SBNO1: variants seen among roughly 807,000 people sequenced by gnomAD.
The protein encoded by SBNO1 is protein strawberry notch homolog 1.
A neutral mutation model predicts 173.6 loss-of-function variants in SBNO1; 23 were observed. That is an observed-to-expected ratio of 0.13 (90% confidence interval 0.10 to 0.19). SBNO1 has a LOEUF of 0.19. Among genes scored for constraint, SBNO1 ranks in the 10% least tolerant of loss-of-function variants. The pLI is 1.00. For missense variants in SBNO1, 1,238 were observed against 1,671.2 expected (o/e 0.74, Z 4.52); for synonymous variants, 632 against 571.5 (o/e 1.11, Z -1.51).
intron 1 of SBNO1, among the ~76,000 whole-genome samples, chr12:123,361,174 G>A (rs539263071): frequency 6.6e-6 from 1 of 152,140 alleles, no homozygotes; most frequent in Non-Finnish European, 1.5e-5. Context: ...AACCTGGGAG[G>A]TGGAGGTTGC....
At chr12:123,339,012 T>C (rs1872225620) in intron 5 of SBNO1, among the ~76,000 whole-genome samples, 1 of 151,792 alleles carries the variant, frequency 6.6e-6, no homozygotes, top group Non-Finnish European at 1.5e-5. Flanking sequence ...ACTTTTGGTA[T>C]ATAATGGACT....
chr12:123,352,560 G>A (rs948922436), intron 1 of SBNO1, among the ~76,000 whole-genome samples: 1 of 152,108 alleles, frequency 6.6e-6, no homozygotes. Context: ...CCAAAGTGCT[G>A]GGATTACAGG....
intron 1 of SBNO1, among the ~76,000 whole-genome samples, chr12:123,359,280 G>T (rs938774269): frequency 3.3e-5 from 5 of 150,266 alleles, no homozygotes; most frequent in African/African-American, 1.2e-4. Context: ...GAGTGCGGTG[G>T]CTCACTCCTG....
chr12:123,311,744 A>C (rs1428474248), intron 24 of SBNO1, among the ~76,000 whole-genome samples: 1 of 132,830 alleles, frequency 7.5e-6, no homozygotes, highest in Non-Finnish European at 1.6e-5. Context: ...ATATATATAT[A>C]TATATTTTTG....
At chr12:123,352,299 A>C (rs1277077996) in intron 1 of SBNO1, among the ~76,000 whole-genome samples, 2 of 152,214 alleles carry the variant, frequency 1.3e-5, no homozygotes, top group Non-Finnish European at 2.9e-5. Context: ...TCCTACAAAA[A>C]TGGCATTAGC....
In SBNO1 at chr12:123,350,327, T is replaced by C. The variant is rs748779441; in HGVS notation, c.115A>G (p.Thr39Ala). ...GDAGLATPMP[T>A]PSVQQSVPLS... ...ACTCTTACCTGCTGAACTGACGGGG[T>C]AGGCATTGGAGTTGCAAGCCCTGCA... Residue 39 changes from threonine to alanine, a missense_variant, in exon 2 of 32, where the codon ACC becomes GCC. Coordinates refer to ENST00000602398, the MANE Select transcript of SBNO1 (RefSeq NM_001167856.3). 3.1e-6 allele frequency: 5 copies of C among 1,613,820 alleles called. No individual in the cohort carries two copies. The African/African-American group carries it at 5.3e-5, about 17-fold the overall frequency.
chr12:123,309,238 G>T, intron 28 of SBNO1, 72 bp downstream of exon 28: 1 of 1,094,904 alleles, frequency 9.1e-7, no homozygotes, highest in Non-Finnish European at 1.4e-6. Flanking sequence ...GGTACAAAGT[G>T]AAGAGACAAT....
At chr12:123,325,976 T>C (rs1236018386) in intron 14 of SBNO1, among the ~76,000 whole-genome samples, 176 bp downstream of exon 14, 1 of 152,210 alleles carries the variant, frequency 6.6e-6, no homozygotes, top group East Asian at 1.9e-4. Context: ...GTTATACTTT[T>C]CTGAACTCTC....
rs1490272105 is a variant in SBNO1, at chr12:123,289,754, T to C, written c.*6154A>G. ...GTATAAACCATGAACAGGATATTTTTCTGATAGCGGTGAGACTGCAATGTG... is the reference window on the plus strand; with the variant it reads ...GTATAAACCATGAACAGGATATTTTCCTGATAGCGGTGAGACTGCAATGTG... On this transcript the variant is annotated 3_prime_UTR_variant, in exon 32 of 32. Coordinates refer to ENST00000602398, the MANE Select transcript of SBNO1 (RefSeq NM_001167856.3). The C allele has an allele frequency of 6.6e-6, 1 of 152,262 alleles. No homozygotes were observed. Among genetic ancestry groups the C allele is most frequent in the Non-Finnish European group, 1.5e-5 (1 of 68,050 alleles). The allele number at this position is 152,262 out of a possible 1,614,324, so 9.4% of individuals were successfully genotyped here. A position where few individuals can be genotyped will look rare whatever the true frequency, so the allele number is the denominator to read the frequency against.
chr12:123,305,075 T>C (rs1186513241), intron 28 of SBNO1, among the ~76,000 whole-genome samples: 1 of 152,156 alleles, frequency 6.6e-6, no homozygotes, highest in African/African-American at 2.4e-5. Flanking sequence ...AAAAACCAAG[T>C]GTAATAAAAT....
chr12:123,320,800 G>A lies in SBNO1; in HGVS notation c.2390C>T (p.Pro797Leu). The A allele has an allele frequency of 1.2e-6, 2 of 1,602,692 alleles. No individual in the cohort carries two copies. The highest frequency in any genetic ancestry group is 1.7e-6 in the Non-Finnish European group (2 of 1,175,440). ...KEKKKKKSID[P>L]DSIQSALLAS... ...TAATAAGGCACTTTGAATAGAATCT[G>A]GATCTATACTTTTCTTCTTTTTTTT... Residue 797 changes from proline (P) to leucine (L), a missense_variant, in exon 18 of 32, where the codon CCA becomes CTA. Around this residue, in one of 14 missense-constraint regions of SBNO1, gnomAD observed 5 missense variants for 18.6 expected, o/e 0.27. Coordinates refer to ENST00000602398, the MANE Select transcript of SBNO1 (RefSeq NM_001167856.3).
At chr12:123,318,822 C>T (rs1869612947) in intron 20 of SBNO1, among the ~76,000 whole-genome samples, 2 of 151,440 alleles carry the variant, frequency 1.3e-5, no homozygotes, top group South Asian at 2.1e-4. Flanking sequence ...AAGCCATTTA[C>T]AGTAAATCGT....
At chr12:123,343,981 T>C (rs533276890) in intron 4 of SBNO1, among the ~76,000 whole-genome samples, 1 of 152,188 alleles carries the variant, frequency 6.6e-6, no homozygotes, top group Non-Finnish European at 1.5e-5. Flanking sequence ...GTACTAGATA[T>C]CTTGTTCAGT....
At chr12:123,362,643 C>G (rs1222363485) in intron 1 of SBNO1, among the ~76,000 whole-genome samples, 2 of 151,074 alleles carry the variant, frequency 1.3e-5, no homozygotes, top group African/African-American at 4.9e-5. Flanking sequence ...GTGGCACATG[C>G]CTGCAATCCC....
chr12:123,291,377 A>C lies in SBNO1; in HGVS notation c.*4531T>G, dbSNP rs2048508631. The stretch of plus-strand genomic sequence containing the variant: ...GATCTAAGAGCTAAGTTTGATCCCA[A>C]ATGCACTGAAGAAGTTAGAGGAGCT... On this transcript the variant is annotated 3_prime_UTR_variant, in exon 32 of 32. Coordinates refer to ENST00000602398, the MANE Select transcript of SBNO1 (RefSeq NM_001167856.3). The C allele has an allele frequency of 6.6e-6, 1 of 152,160 alleles. No individual in the cohort carries two copies. Among genetic ancestry groups the C allele is most frequent in the African/African-American group, 2.4e-5 (1 of 41,424 alleles). The allele number at this position is 152,160 out of a possible 1,614,324, so 9.4% of individuals were successfully genotyped here.
chr12:123,350,476 A>G (rs781659473), intron 1 of SBNO1, 35 bp from the exon 2 acceptor site: 1 of 1,503,298 alleles, frequency 6.7e-7, no homozygotes, highest in South Asian at 1.1e-5. Context: ...AACATAAAAA[A>G]CAAAAAGTGA....
chr12:123,355,466 T>C (rs1389810151), intron 1 of SBNO1, among the ~76,000 whole-genome samples: 1 of 151,956 alleles, frequency 6.6e-6, no homozygotes, highest in Non-Finnish European at 1.5e-5. Flanking sequence ...TAGCCAGGTG[T>C]GGTGGCGGGC....
At chr12:123,358,108 TAG>T (rs1399333643) in intron 1 of SBNO1, among the ~76,000 whole-genome samples, 1 of 152,230 alleles carries the variant, frequency 6.6e-6, no homozygotes, top group Non-Finnish European at 1.5e-5. Context: ...TGAGATATCT[TAG>T]AGACTGGACC....
At chr12:123,298,270 C>CTTTT in intron 30 of SBNO1, 99 bp from the exon 31 acceptor site, 1 of 1,002,866 alleles carries the variant, frequency 1.0e-6, no homozygotes, top group Non-Finnish European at 1.4e-6. Context: ...CTTTTCTTTT[C>CTTTT]TTTTTTTTTT....
Sources: gnomAD v4.1 joint callset for allele counts (sites outside exome capture counted in the v4.1 genomes callset) on GRCh38, gnomAD v4.1.1 for gene constraint, gnomAD v4.1.1 regional missense constraint, MANE v1.5 for transcripts, NCBI Gene and HGNC (gene_info 2026-07-23, HGNC 2026-07-21) for gene names.